CELF5: variants seen among roughly 807,000 people sequenced by gnomAD.
The protein encoded by CELF5 is CUGBP Elav-like family member 5, also known as CUG-BP and ETR-3 like factor 5.
A neutral mutation model predicts 54.9 loss-of-function variants in CELF5; 6 were observed. The observed-to-expected ratio is 0.11, with a 90% CI of 0.06 to 0.22. The LOEUF (loss-of-function observed/expected upper bound fraction) is 0.22. Ranked by LOEUF, CELF5 falls within the 10% of genes least tolerant of loss-of-function variation. CELF5 has a pLI of 1.00. For missense variants in CELF5, 401 were observed against 678.6 expected (o/e 0.59, Z 4.54); for synonymous variants, 271 against 290.9 (o/e 0.93, Z 0.70).
In CELF5 at chr19:3,282,074, C is replaced by T. The variant is rs373523844; in HGVS notation, c.751-52C>T. The T allele has an allele frequency of 1.4e-5, 22 of 1,605,470 alleles. 1 individual carries two copies. In the Middle Eastern group the frequency reaches 1.5e-3, roughly 108 times the overall value. Reference sequence around the variant, plus strand: ...GGGGTACCAAGCCTCCCCTCATAAGCCATGATCTCAGGGCAGATATCACCC... The same window carrying T: ...GGGGTACCAAGCCTCCCCTCATAAGTCATGATCTCAGGGCAGATATCACCC... On this transcript the variant is annotated intron_variant, in intron 6 of 12. Transcript: ENST00000292672. The surrounding 1 kb of genome is among the most constrained non-coding windows in gnomAD (Gnocchi z 5.2).
At chr19:3,284,735 A>G (rs1568362325) in intron 8 of CELF5, 167 bp from the exon 9 acceptor site, 2 of 641,212 alleles carry the variant, frequency 3.1e-6, no homozygotes, top group Non-Finnish European at 5.8e-6. Flanking sequence ...GCCCTGTGCA[A>G]GTGGCTTCAC....
At chr19:3,251,269 T>C (rs757045681) in intron 2 of CELF5, among the ~76,000 whole-genome samples, 2 of 152,218 alleles carry the variant, frequency 1.3e-5, no homozygotes, top group Non-Finnish European at 2.9e-5. Flanking sequence ...CTATATTTCA[T>C]ACCAGAGTGG....
intron 8 of CELF5, 125 bp from the exon 9 acceptor site, chr19:3,284,777 A>C: frequency 1.2e-6 from 1 of 800,082 alleles, no homozygotes; most frequent in Non-Finnish European, 2.1e-6. Flanking sequence ...GGTCCTACAG[A>C]GGGTTTAGCA....
At position 3,282,478 on chromosome 19, in the gene CELF5, A is replaced by G. The variant is rs767762633; in HGVS notation, c.1019A>G (p.Asn340Ser). 6.2e-7 allele frequency: 1 copy of G among 1,613,500 alleles called. No homozygotes were observed. Among genetic ancestry groups the G allele is most frequent in the Non-Finnish European group, 8.5e-7 (1 of 1,179,912 alleles). ...GHPALETVYA[N>S]GLVPYPAQSP... ...CCTGCCCTGGAAACCGTCTATGCCA[A>G]TGGCCTTGTGCCCTACCCAGGTAAA... Residue 340 changes from asparagine (N) to serine (S), a missense_variant, in exon 8 of 13, where the codon AAT becomes AGT. Asn to Ser is a conservative substitution (Grantham distance 46). Transcript: ENST00000292672. This position sits in a 1 kb window ranked among gnomAD's most constrained non-coding sequence, Gnocchi z 5.2.
chr19:3,237,744 C>T (rs1461697308), intron 1 of CELF5, among the ~76,000 whole-genome samples: 2 of 152,146 alleles, frequency 1.3e-5, no homozygotes, highest in African/African-American at 4.8e-5. Context: ...TATCTCATCT[C>T]GTGATTAAGA....
chr19:3,292,636 T>TGACAGAGATGGAGAGAAAGA (rs1448874931), intron 11 of CELF5, among the ~76,000 whole-genome samples: 2 of 151,856 alleles, frequency 1.3e-5, no homozygotes, highest in African/African-American at 4.8e-5. Context: ...GCAGAGGTAC[T>TGACAGAGATGGAGAGAAAGA]GACAGAGATG....
chr19:3,285,926 G>T lies in CELF5; in HGVS notation c.1103-16G>T. On this transcript the variant is annotated splice_polypyrimidine_tract_variant and intron_variant, in intron 9 of 12. Transcript: ENST00000292672. ...CACGCCCCTCCTCGCCCTGTGTCTC[G>T]CTCCGGTCTCCGCAGCCATGTACCC... The T allele has an allele frequency of 1.9e-6, 3 of 1,546,888 alleles. No individual in the cohort carries two copies. The highest frequency in any genetic ancestry group is 2.6e-5 in the East Asian group (1 of 39,202).
chr19:3,265,925 G>A (rs1378074681), intron 2 of CELF5, among the ~76,000 whole-genome samples: 1 of 151,914 alleles, frequency 6.6e-6, no homozygotes, highest in East Asian at 1.9e-4. Context: ...TCTTGCCTCA[G>A]CCTCCCGAGT....
intron 1 of CELF5, among the ~76,000 whole-genome samples, chr19:3,231,567 G>A (rs981829283): frequency 6.6e-6 from 1 of 151,010 alleles, no homozygotes; most frequent in African/African-American, 2.4e-5. Flanking sequence ...GTGGGTGGAT[G>A]GATGGATGGA....
rs866555138 is a variant in CELF5 at position 3,281,965 on chromosome 19, G to C, written c.751-161G>C. On this transcript the variant is annotated intron_variant, in intron 6 of 12. Coordinates refer to ENST00000292672, the MANE Select transcript of CELF5 (RefSeq NM_021938.4). The surrounding 1 kb of genome is among the most constrained non-coding windows in gnomAD (Gnocchi z 6.5). ...ACTTCCGAACCGATCTCTGCTCCCA[G>C]GCTGAGCCTTGATCCCAGTCTGAGC... is the stretch of plus-strand genomic sequence containing the variant. Among the ~76,000 whole-genome samples the C allele has an allele frequency of 2.0e-5, 3 of 152,132 alleles. No individual in the cohort carries two copies. The highest frequency in any genetic ancestry group is 4.4e-5 in the Non-Finnish European group (3 of 68,030).
chr19:3,235,322 T>C (rs1282418421), intron 1 of CELF5, among the ~76,000 whole-genome samples: 1 of 152,046 alleles, frequency 6.6e-6, no homozygotes, highest in Non-Finnish European at 1.5e-5. Flanking sequence ...CCTTTTTTTT[T>C]TCCTGTGCAA....
chr19:3,241,233 G>T (rs969380287), intron 1 of CELF5, among the ~76,000 whole-genome samples: 49 of 151,178 alleles, frequency 3.2e-4, no homozygotes, highest in African/African-American at 1.2e-3. Flanking sequence ...AAGCCACCGC[G>T]CCCAGCTAAT....
chr19:3,286,282 A>G, intron 10 of CELF5: 2 of 432,428 alleles, frequency 4.6e-6, no homozygotes, highest in South Asian at 5.4e-5. Flanking sequence ...AGCCCTCTCC[A>G]GAACCAAGAG....
chr19:3,257,785 TTTTATTTATTTATTTATTTA>T (rs1204284655), intron 2 of CELF5, among the ~76,000 whole-genome samples: 2 of 80,550 alleles, frequency 2.5e-5, no homozygotes, highest in Non-Finnish European at 5.4e-5. Flanking sequence ...CTCCATTTTT[TTTTATTTATTTATTTATTTA>T]TTTATTTATT....
At chr19:3,235,732 G>A (rs111211861) in intron 1 of CELF5, among the ~76,000 whole-genome samples, 483 of 145,328 alleles carry the variant, frequency 3.3e-3, no homozygotes, top group African/African-American at 0.012. Flanking sequence ...ATGGGTGGAT[G>A]GATGGATGGA....
intron 8 of CELF5, among the ~76,000 whole-genome samples, chr19:3,284,010 G>T (rs1196351627): frequency 6.6e-6 from 1 of 151,410 alleles, no homozygotes; most frequent in South Asian, 2.1e-4. Context: ...GCTAATTTTC[G>T]ATTTTATTTT....
intron 2 of CELF5, among the ~76,000 whole-genome samples, chr19:3,262,588 G>A (rs1232462802): frequency 1.3e-5 from 2 of 152,110 alleles, no homozygotes; most frequent in Non-Finnish European, 2.9e-5. Flanking sequence ...TAGACCCAGG[G>A]TCTGGATCAT....
chr19:3,281,076 G>C lies in CELF5; in HGVS notation c.604-123G>C. The C allele has an allele frequency of 8.3e-7, 1 of 1,202,990 alleles. No homozygotes were observed. The highest frequency in any genetic ancestry group is 2.0e-5 in the Admixed American group (1 of 50,426). The allele number at this position is 1,202,990 out of a possible 1,614,324, so 74.5% of individuals were successfully genotyped here. On this transcript the variant is annotated intron_variant, in intron 5 of 12. Transcript: ENST00000292672. The surrounding 1 kb of genome is among the most constrained non-coding windows in gnomAD (Gnocchi z 6.5). Reference sequence around the variant, plus strand: ...TCCTGGGGTGGGGGCCCGTGGACATGGCTGACAGCCACTGGCATTACACCC... The same window carrying C: ...TCCTGGGGTGGGGGCCCGTGGACATCGCTGACAGCCACTGGCATTACACCC...
intron 2 of CELF5, among the ~76,000 whole-genome samples, chr19:3,255,699 A>C (rs1162951842): frequency 6.6e-6 from 1 of 152,054 alleles, no homozygotes; most frequent in Non-Finnish European, 1.5e-5. Context: ...CTTTCCCCTC[A>C]AACCTCAGTT....
Sources: allele counts gnomAD v4.1 joint callset (sites outside exome capture counted in the v4.1 genomes callset), GRCh38; gene constraint gnomAD v4.1.1; non-coding constraint Gnocchi (gnomAD v3.1); transcripts MANE v1.5; gene names NCBI Gene and HGNC (gene_info 2026-07-23, HGNC 2026-07-21).